The following ACP2 variants were observed in gnomAD, a reference collection of about 807,000 sequenced individuals.
ACP2 encodes the protein lysosomal acid phosphatase.
ACP2 carries 35 observed loss-of-function variants against 54.7 expected under a neutral mutation model. The ratio of observed to expected loss-of-function variants is 0.64; its 90% CI spans 0.49 to 0.85. The LOEUF (loss-of-function observed/expected upper bound fraction) is 0.85. ACP2 is among the 40% of genes least tolerant of loss of function. The probability of loss-of-function intolerance (pLI) is 0.00; values close to 1 mark genes in which losing one functional copy is unlikely to be tolerated. For synonymous variants in ACP2, 210 were observed against 224.4 expected (o/e 0.94, Z 0.57); for missense variants, 492 against 565.0 (o/e 0.87, Z 1.31).
chr11:47,248,689 C>A lies in ACP2; in HGVS notation c.101G>T (p.Arg34Leu). 3 of 1,611,654 alleles carry A rather than the reference C, an allele frequency of 1.9e-6. No individual in the cohort carries two copies. The highest frequency in any genetic ancestry group is 2.5e-6 in the Non-Finnish European group (3 of 1,179,038). ...VMPPTRARSL[R>L]FVTLLYRHGD... ...ATCTCTCATTACCAAGGTAACGAAG[C>A]GCAGACTCCGGGCCCGGGTGGGCGG... Residue 34 changes from arginine (R) to leucine (L), a missense_variant, in exon 1 of 11, where the codon CGC becomes CTC. By Grantham distance (102) the Arg-to-Leu change is moderately radical (BLOSUM62 -2). Transcript: ENST00000672073.
intron 10 of ACP2, among the ~76,000 whole-genome samples, chr11:47,240,529 A>C (rs779034204): frequency 3.3e-4 from 50 of 152,112 alleles, no homozygotes; most frequent in Admixed American, 1.3e-4. Context: ...ATCTCTACTA[A>C]ATAAAGTTGG....
At chr11:47,246,136 G>A (rs1954070695) in intron 3 of ACP2, among the ~76,000 whole-genome samples, 2 of 152,166 alleles carry the variant, frequency 1.3e-5, no homozygotes, top group Admixed American at 6.5e-5. Flanking sequence ...TAGTTGAAAT[G>A]CCCCTTCCAG....
chr11:47,245,757 G>A lies in ACP2; in HGVS notation c.375C>T (p.Asn125=), dbSNP rs143920356. ...TGTTCGGGTTGAAGCGCTGCATCCC[G>A]TTGGGAGGGAAGAGTCCAGCCAGGT... ...EANLAGLFPP[N]GMQRFNPNIS... is the part of the protein sequence containing the mutation. Residue 125 remains asparagine (N), a synonymous_variant, in exon 4 of 11, where the codon AAC becomes AAT. Coordinates refer to ENST00000672073, the MANE Select transcript of ACP2 (RefSeq NM_001610.4). 17 of 1,613,218 alleles carry A rather than the reference G, an allele frequency of 1.1e-5. No homozygotes were observed. Among genetic ancestry groups the A allele is most frequent in the Non-Finnish European group, 1.4e-5 (16 of 1,179,558 alleles).
chr11:47,247,480 A>C, intron 3 of ACP2, 161 bp downstream of exon 3: 1 of 801,646 alleles, frequency 1.2e-6, no homozygotes, highest in South Asian at 1.7e-5. Context: ...CTCAGCTCCT[A>C]GGGCTTTGTT....
rs1953924488 is a variant in ACP2 at position 47,242,852 on chromosome 11, G to A, written c.1009C>T (p.Pro337Ser). Residue 337 changes from proline to serine, a missense_variant, in exon 10 of 11, where the codon CCC (proline) becomes TCC (serine). Pro to Ser is a moderately conservative substitution (Grantham distance 74). Coordinates refer to ENST00000672073, the MANE Select transcript of ACP2 (RefSeq NM_001610.4). ...MYFRNESDKA[P>S]WPLSLPGCPH... The stretch of plus-strand genomic sequence containing the variant: ...CAGCCAGGCAGGCTGAGCGGCCAGG[G>A]GGCCTTGTCACTCTCGTTCCGAAAG... 2 of 1,613,974 alleles carry A rather than the reference G, an allele frequency of 1.2e-6. No individual in the cohort carries two copies. Among genetic ancestry groups the A allele is most frequent in the Non-Finnish European group, 1.7e-6 (2 of 1,179,842 alleles).
At position 47,239,835 on chromosome 11, in the gene ACP2, A is replaced by C; in HGVS notation, c.*281T>G. 2.5e-6 allele frequency: 1 copy of C among 406,480 alleles called. No homozygotes were observed. The highest frequency in any genetic ancestry group is 4.4e-6 in the Non-Finnish European group (1 of 225,006). The allele number at this position is 406,480 out of a possible 1,614,324, so 25.2% of individuals were successfully genotyped here. On this transcript the variant is annotated 3_prime_UTR_variant, in exon 11 of 11. Transcript: ENST00000672073. ...AATCCTAGGTCCTGAGTGAACACTG[A>C]CTGCCAGTTTACATCTCAGGTGTGT...
At chr11:47,240,797 G>C (rs1197019663) in intron 10 of ACP2, among the ~76,000 whole-genome samples, 2 of 151,562 alleles carry the variant, frequency 1.3e-5, no homozygotes, top group Non-Finnish European at 2.9e-5. Context: ...CTCCAGCCTG[G>C]GTGACAGGAT....
chr11:47,245,423 C>T (rs1954030829), intron 5 of ACP2, 29 bp from the exon 6 acceptor site: 1 of 1,614,108 alleles, frequency 6.2e-7, no homozygotes, highest in Admixed American at 1.7e-5. Flanking sequence ...GGTCTCAGTC[C>T]TGCTCTGGGG....
Position 47,242,834 on chromosome 11 carries a change from G to C in ACP2, c.1027C>G (p.Pro343Ala), listed in dbSNP as rs1591012199. Residue 343 changes from proline (P) to alanine (A), a missense_variant, in exon 10 of 11, where the codon CCT becomes GCT. Physicochemically the swap from Pro to Ala is conservative, Grantham distance 27 (BLOSUM62 -1). Transcript: ENST00000672073. Reference sequence around the variant, plus strand: ...AGTGGGCAGCGGTGAGGGCAGCCAGGCAGGCTGAGCGGCCAGGGGGCCTTG... The same window carrying C: ...AGTGGGCAGCGGTGAGGGCAGCCAGCCAGGCTGAGCGGCCAGGGGGCCTTG... ...SDKAPWPLSL[P>A]GCPHRCPLQD... 1 of 1,614,138 alleles carries C rather than the reference G, an allele frequency of 6.2e-7. No individual in the cohort carries two copies. The highest frequency in any genetic ancestry group is 8.5e-7 in the Non-Finnish European group (1 of 1,179,946).
Position 47,245,348 on chromosome 11 carries a change from G to A in ACP2, c.596C>T (p.Thr199Ile), listed in dbSNP as rs1954026673. Residue 199 changes from threonine to isoleucine, a missense_variant, in exon 6 of 11, where the codon ACA becomes ATA. Physicochemically the swap from Thr to Ile is moderately conservative, Grantham distance 89 (BLOSUM62 -1). Coordinates refer to ENST00000672073, the MANE Select transcript of ACP2 (RefSeq NM_001610.4). ...ATAGACATTCCAGACGGTCTCCAGTGTCAGGTCTGTAAGCCCTGTCTCGTT... is the reference window on the plus strand; with the variant it reads ...ATAGACATTCCAGACGGTCTCCAGTATCAGGTCTGTAAGCCCTGTCTCGTT... ...VANETGLTDL[T>I]LETVWNVYDT... 1 of 1,614,150 alleles carries A rather than the reference G, an allele frequency of 6.2e-7. No individual in the cohort carries two copies. Among genetic ancestry groups the A allele is most frequent in the Non-Finnish European group, 8.5e-7 (1 of 1,180,032 alleles).
chr11:47,244,984 G>T (rs1954012371), intron 6 of ACP2, 117 bp from the exon 7 acceptor site: 1 of 1,462,238 alleles, frequency 6.8e-7, no homozygotes, highest in Non-Finnish European at 9.0e-7. Flanking sequence ...GGGGAGAGAG[G>T]CAGAGGGGCT....
At position 47,244,856 on chromosome 11, in the gene ACP2, C is replaced by T. The variant is rs1565163633; in HGVS notation, c.651G>A (p.Gly217=). 1 of 1,607,874 alleles carries T rather than the reference C, an allele frequency of 6.2e-7. No homozygotes were observed. The highest frequency in any genetic ancestry group is 1.1e-5 in the South Asian group (1 of 90,760). ...YDTLFCEQTH[G]LRLPPWASPQ... ...GTGAGGCCCAGGGCGGCAGGCGCAG[C>T]CCGTGCGTTTGCTGTGTATCGCAGC... The change falls in exon 7 of 11, where the codon GGG becomes GGA. Residue 217 remains glycine, a synonymous_variant. Transcript: ENST00000672073.
rs1027346860 is a variant in ACP2, at chr11:47,243,251, C to T, written c.843G>A (p.Leu281=). ...MATTSQLPKL[L]VYSAHDTTLV... ...CGCAGGCACTCACCGCAGAGTAAAC[C>T]AGCAGCTTGGGGAGCTGGGAGGTGG... The change falls in exon 8 of 11, where the codon CTG becomes CTA. Residue 281 remains leucine (L), a synonymous_variant. Transcript: ENST00000672073. 2 of 1,614,142 alleles carry T rather than the reference C, an allele frequency of 1.2e-6. No individual in the cohort carries two copies. Among genetic ancestry groups the T allele is most frequent in the African/African-American group, 2.7e-5 (2 of 74,954 alleles).
chr11:47,243,952 C>G, intron 7 of ACP2, among the ~76,000 whole-genome samples: 1 of 152,144 alleles, frequency 6.6e-6, no homozygotes, highest in African/African-American at 2.4e-5. Context: ...GCCTGGCCAA[C>G]ATAGTGAAAC....
chr11:47,247,574 C>G, intron 3 of ACP2, 67 bp downstream of exon 3: 1 of 1,582,732 alleles, frequency 6.3e-7, no homozygotes, highest in Non-Finnish European at 8.7e-7. Context: ...CAGCCTTAGG[C>G]TCCCTGAGGG....
In ACP2 at chr11:47,245,287, G is replaced by A. The variant is rs770651512; in HGVS notation, c.639+18C>T. ...AGAGGGAAAAGAATGATCACAGTGGGCACCCTAGTGGGCTCACCTCACAGA... is the reference window on the plus strand; with the variant it reads ...AGAGGGAAAAGAATGATCACAGTGGACACCCTAGTGGGCTCACCTCACAGA... On this transcript the variant is annotated intron_variant, in intron 6 of 10. Coordinates refer to ENST00000672073, the MANE Select transcript of ACP2 (RefSeq NM_001610.4). 6.2e-7 allele frequency: 1 copy of A among 1,610,946 alleles called. No homozygotes were observed. Among genetic ancestry groups the A allele is most frequent in the South Asian group, 1.1e-5 (1 of 91,034 alleles).
rs1302589154 is a variant in ACP2, at chr11:47,239,743, C to A, written c.*373G>T. On this transcript the variant is annotated 3_prime_UTR_variant, in exon 11 of 11. Transcript: ENST00000672073. ...TGAGCTATTTGCCGAAGACTTCAGG[C>A]TGGAGGAAAAAGAACAGGGCTTGAT... 5.2e-6 allele frequency: 1 copy of A among 193,308 alleles called. No homozygotes were observed. The highest frequency in any genetic ancestry group is 2.3e-5 in the African/African-American group (1 of 42,806). 12.0% of individuals were successfully genotyped at this position (193,308 alleles called of 1,614,324 possible). A position where few individuals can be genotyped will look rare whatever the true frequency, so the allele number is the denominator to read the frequency against.
rs202154881 is a variant in ACP2, at chr11:47,248,076, C to T, written c.172G>A (p.Glu58Lys). Reference protein sequence around the residue: ...VKTYPKDPYQEEEWPQGFGQL... With the variant: ...VKTYPKDPYQKEEWPQGFGQL... Reference sequence around the variant, plus strand: ...CCAAACCCCTGGGGCCATTCTTCTTCCTGATAGGGGTCCTTGGGATATGTC... The same window carrying T: ...CCAAACCCCTGGGGCCATTCTTCTTTCTGATAGGGGTCCTTGGGATATGTC... The change falls in exon 2 of 11, where the codon GAA becomes AAA. Residue 58 changes from glutamate to lysine, a missense_variant. Physicochemically the swap from Glu to Lys is moderately conservative, Grantham distance 56. Coordinates refer to ENST00000672073, the MANE Select transcript of ACP2 (RefSeq NM_001610.4). 185 of 1,610,640 alleles carry T rather than the reference C, an allele frequency of 1.1e-4. 1 individual carries two copies. The highest frequency in any genetic ancestry group is 1.5e-4 in the Non-Finnish European group (177 of 1,179,112).
In ACP2 at chr11:47,244,813, GACGCTGC is replaced by G; in HGVS notation, c.687_693del (p.Met229IlefsTer5). 2 of 1,612,988 alleles carry G rather than the reference GACGCTGC, an allele frequency of 1.2e-6. No homozygotes were observed. The highest frequency in any genetic ancestry group is 1.7e-6 in the Non-Finnish European group (2 of 1,179,138). On this transcript the variant is annotated frameshift_variant, in exon 7 of 11. Transcript: ENST00000672073. LOFTEE classifies it high-confidence loss of function. ...AAGCTGAAGTCCTTTAGCCGGCTGA[GACGCTGC>G]ATGGTTTGGGGTGAGGCCCAGGGCG... is the stretch of plus-strand genomic sequence containing the variant.
Sources: allele counts gnomAD v4.1 joint callset (sites outside exome capture counted in the v4.1 genomes callset), GRCh38; gene constraint gnomAD v4.1.1; transcripts MANE v1.5; gene names NCBI Gene and HGNC (gene_info 2026-07-23, HGNC 2026-07-21).